Variants in MCM9 observed in about 807,000 individuals in gnomAD.
The protein encoded by MCM9 is DNA helicase MCM9.
A neutral mutation model predicts 72.8 loss-of-function variants in MCM9; 55 were observed. The ratio of observed to expected loss-of-function variants is 0.76; its 90% confidence interval spans 0.61 to 0.95. The LOEUF is 0.95. MCM9 is among the 40% of genes least tolerant of loss of function. MCM9 has a pLI of 0.00. For missense variants in MCM9, 1,279 were observed against 1,377.0 expected, an observed-to-expected ratio of 0.93 and a Z score of 1.13; for synonymous variants, 480 against 503.4, an observed-to-expected ratio of 0.95 and a Z score of 0.62.
chr6:118,865,256 G>A (rs1370921524), intron 8 of MCM9, among the ~76,000 whole-genome samples: 3 of 150,786 alleles, frequency 2.0e-5, no homozygotes, highest in East Asian at 2.0e-4. Context: ...TTTCAGGGAC[G>A]TCATACCATA....
At chr6:118,878,561 A>G (rs1778084660) in intron 8 of MCM9, among the ~76,000 whole-genome samples, 1 of 152,178 alleles carries the variant, frequency 6.6e-6, no homozygotes, top group African/African-American at 2.4e-5. Context: ...TATGACAATA[A>G]TAGCACAAAG....
intron 13 of MCM9, among the ~76,000 whole-genome samples, chr6:118,825,639 G>A (rs548518078): frequency 6.6e-6 from 1 of 152,134 alleles, no homozygotes; most frequent in Non-Finnish European, 1.5e-5. Flanking sequence ...CAAAACCTAG[G>A]TTTTTAGAAG....
Position 118,828,035 on chromosome 6 carries a change from C to T in MCM9, c.1624G>A (p.Gly542Ser), listed in dbSNP as rs1426643332. The T allele has an allele frequency of 6.4e-7, 1 of 1,550,800 alleles. No individual in the cohort carries two copies. The highest frequency in any genetic ancestry group is 8.7e-7 in the Non-Finnish European group (1 of 1,147,040). The change falls in exon 11 of 14, where the codon GGC becomes AGC. Residue 542 changes from glycine to serine, a missense_variant. Physicochemically the swap from Gly to Ser is moderately conservative, Grantham distance 56. Transcript: ENST00000619706. ...RNLQPTLSDV[G>S]NQVLLRYYQM... ...TAGTACCGGAGAAGAACCTGATTGCCCACATCAGACAGTGTGGGCTGCAGA... is the reference window on the plus strand; with the variant it reads ...TAGTACCGGAGAAGAACCTGATTGCTCACATCAGACAGTGTGGGCTGCAGA...
chr6:118,877,220 C>T (rs939490247), intron 8 of MCM9, among the ~76,000 whole-genome samples: 1 of 152,170 alleles, frequency 6.6e-6, no homozygotes, highest in Non-Finnish European at 1.5e-5. Context: ...CTCCAGCCCC[C>T]AGTTGAGCTG....
In MCM9 at chr6:118,815,028, A is replaced by G. The variant is rs1773321078; in HGVS notation, c.3228T>C (p.Pro1076=). The stretch of plus-strand genomic sequence containing the variant: ...CTCTCTCACCTCGGTTCTTCCTTTC[A>G]GGAGGAGGGGATTTTGATTTGGATT... ...PSESKSKSPP[P]ERKNRGERGP... Residue 1076 remains proline (P), a synonymous_variant, in exon 14 of 14, where the codon CCT becomes CCC. Transcript: ENST00000619706. 3.2e-6 allele frequency: 5 copies of G among 1,550,282 alleles called. No homozygotes were observed. In the East Asian group the frequency reaches 1.2e-4, roughly 38 times the overall value.
In MCM9 at chr6:118,815,019, C is replaced by G. The variant is rs1171352665; in HGVS notation, c.3237G>C (p.Lys1079Asn). ...SKSKSPPPER[K>N]NRGERGPSSP... ...AGCTTGGGCCTCTCTCACCTCGGTTCTTCCTTTCAGGAGGAGGGGATTTTG... is the reference window on the plus strand; with the variant it reads ...AGCTTGGGCCTCTCTCACCTCGGTTGTTCCTTTCAGGAGGAGGGGATTTTG... The change falls in exon 14 of 14, where the codon AAG becomes AAC. Residue 1079 changes from lysine to asparagine, a missense_variant. Coordinates refer to ENST00000619706, the MANE Select transcript of MCM9 (RefSeq NM_017696.3). 12 of 1,550,210 alleles carry G rather than the reference C, an allele frequency of 7.7e-6. No homozygotes were observed. The highest frequency in any genetic ancestry group is 9.6e-6 in the Non-Finnish European group (11 of 1,146,796).
At chr6:118,930,142 G>A (rs62422262) in intron 3 of MCM9, among the ~76,000 whole-genome samples, 27,099 of 151,476 alleles carry the variant, frequency 0.18, 3,151 homozygotes, top group Non-Finnish European at 0.26. Context: ...ACGGAGTCTC[G>A]CTCTGTTGCC....
At chr6:118,867,200 G>A (rs1391383695) in intron 8 of MCM9, among the ~76,000 whole-genome samples, 1 of 152,128 alleles carries the variant, frequency 6.6e-6, no homozygotes, top group Non-Finnish European at 1.5e-5. Context: ...TCATGCTGAA[G>A]GAAGAAGACA....
At chr6:118,917,284 TTGATA>T (rs1484312237) in intron 6 of MCM9, among the ~76,000 whole-genome samples, 1 of 152,080 alleles carries the variant, frequency 6.6e-6, no homozygotes, top group Non-Finnish European at 1.5e-5. Flanking sequence ...ATATTTTTAA[TTGATA>T]TGATAGGAAA....
At position 118,874,656 on chromosome 6, in the gene MCM9, G is replaced by A. The variant is rs36126875; in HGVS notation, c.1151-18111C>T. ...GGAAAAAATAAAATGCTCTTTGTTC[G>A]CAGATAATATAATCATCTATGTAGG... On this transcript the variant is annotated intron_variant, in intron 8 of 13. Transcript: ENST00000619706. Among the ~76,000 whole-genome samples, 1,381 of 152,236 alleles carry A rather than the reference G, an allele frequency of 9.1e-3. 22 individuals carry two copies. The highest frequency in any genetic ancestry group is 0.044 in the East Asian group (230 of 5,188).
intron 13 of MCM9, 148 bp downstream of exon 13, chr6:118,825,999 T>C (rs2114540194): frequency 5.5e-6 from 4 of 731,128 alleles, no homozygotes; most frequent in South Asian, 2.9e-5. Flanking sequence ...TGAAACAGTC[T>C]CCTATAGATA....
At chr6:118,905,731 G>A (rs753139107) in intron 8 of MCM9, 5 of 1,613,350 alleles carry the variant, frequency 3.1e-6, no homozygotes, top group Non-Finnish European at 3.4e-6. Context: ...TGTACCTATC[G>A]AGGACAAGAA....
chr6:118,905,262 A>G (rs565320391), intron 8 of MCM9, among the ~76,000 whole-genome samples: 3 of 152,362 alleles, frequency 2.0e-5, no homozygotes, highest in Non-Finnish European at 2.9e-5. Context: ...CCAACAGTCT[A>G]TGAGGAGATC....
At chr6:118,869,599 C>CAAAAAAAAAAAAAAAAAAA in intron 8 of MCM9, among the ~76,000 whole-genome samples, 5 of 58,304 alleles carry the variant, frequency 8.6e-5, no homozygotes, top group East Asian at 6.0e-4. Flanking sequence ...AAAGGATTTA[C>CAAAAAAAAAAAAAAAAAAA]AAAAAAAAAA....
chr6:118,885,649 C>T (rs770649817), intron 8 of MCM9, among the ~76,000 whole-genome samples: 1 of 152,104 alleles, frequency 6.6e-6, no homozygotes, highest in Non-Finnish European at 1.5e-5. Flanking sequence ...AGACTATAAA[C>T]ACAGAGGCAA....
Position 118,828,120 on chromosome 6 carries a change from G to A in MCM9, c.1539C>T (p.Ser513=), listed in dbSNP as rs746340986. Residue 513 remains serine (S), a synonymous_variant, in exon 11 of 14, where the codon AGC becomes AGT. Transcript: ENST00000619706. ...CCATGCTCCAGAGCTTCTCTGATTTGCTTGGGTAACCTGTATGTATCAGGT... is the reference window on the plus strand; with the variant it reads ...CCATGCTCCAGAGCTTCTCTGATTTACTTGGGTAACCTGTATGTATCAGGT... The part of the protein sequence containing the change: ...SFILENKGYP[S]KSEKLWSMEK... 1 of 1,550,302 alleles carries A rather than the reference G, an allele frequency of 6.5e-7. No individual in the cohort carries two copies. Among genetic ancestry groups the A allele is most frequent in the South Asian group, 1.2e-5 (1 of 84,044 alleles).
chr6:118,815,791 C>T lies in MCM9; in HGVS notation c.2465G>A (p.Arg822Lys). ...TGCTGCTTCAGAATCTAGTGCTAGC[C>T]TTTTTTTCTTGTTACTTTCCACATT... Reference protein sequence around the residue: ...ADNVESNKKKRLALDSEAAVS... With the variant: ...ADNVESNKKKKLALDSEAAVS... Residue 822 changes from arginine to lysine, a missense_variant, in exon 14 of 14, where the codon AGG (arginine) becomes AAG (lysine). Coordinates refer to ENST00000619706, the MANE Select transcript of MCM9 (RefSeq NM_017696.3). 6 of 1,539,606 alleles carry T rather than the reference C, an allele frequency of 3.9e-6. No homozygotes were observed. The highest frequency in any genetic ancestry group is 5.2e-6 in the Non-Finnish European group (6 of 1,146,998).
chr6:118,850,424 A>G (rs1776146162), intron 9 of MCM9, among the ~76,000 whole-genome samples: 1 of 151,856 alleles, frequency 6.6e-6, no homozygotes, highest in Non-Finnish European at 1.5e-5. Flanking sequence ...GCCTAAGTTG[A>G]CATACATGAA....
At chr6:118,905,000 G>A (rs1780076992) in intron 8 of MCM9, among the ~76,000 whole-genome samples, 1 of 152,122 alleles carries the variant, frequency 6.6e-6, no homozygotes, top group Admixed American at 6.5e-5. Context: ...ACCATGCCCA[G>A]CTAATTTTTG....
Sources: allele counts gnomAD v4.1 joint callset (sites outside exome capture counted in the v4.1 genomes callset), GRCh38; gene constraint gnomAD v4.1.1; transcripts MANE v1.5; gene names NCBI Gene and HGNC (gene_info 2026-07-23, HGNC 2026-07-21).